GALNT17: variants seen among roughly 807,000 people sequenced by gnomAD.
GALNT17 encodes UDP-GalNAc:polypeptide N-acetylgalactosaminyltransferase-like 3.
Under a neutral mutation model 63.7 loss-of-function variants are expected in GALNT17, and 29 were observed. That is an observed-to-expected ratio of 0.46 (90% CI 0.34 to 0.62). The LOEUF is 0.62. GALNT17 is among the 20% of genes least tolerant of loss of function. The pLI is 0.01. For missense variants in GALNT17, 603 were observed against 799.6 expected (o/e 0.75, Z 2.97); for synonymous variants, 305 against 318.3 (o/e 0.96, Z 0.45).
intron 2 of GALNT17, among the ~76,000 whole-genome samples, chr7:71,365,975 T>TG (rs1792497453): frequency 6.6e-6 from 1 of 152,152 alleles, no homozygotes; most frequent in Admixed American, 6.5e-5. Flanking sequence ...CGGTCCCATC[T>TG]GGGGGTGATG....
At chr7:71,661,386 G>A (rs1405664537) in intron 6 of GALNT17, among the ~76,000 whole-genome samples, 1 of 152,186 alleles carries the variant, frequency 6.6e-6, no homozygotes, top group Non-Finnish European at 1.5e-5. Flanking sequence ...TTACTGGACT[G>A]GTCCTGGAGT....
At chr7:71,207,938 CTT>C (rs889337950) in intron 1 of GALNT17, among the ~76,000 whole-genome samples, 14 of 144,978 alleles carry the variant, frequency 9.7e-5, no homozygotes, top group Non-Finnish European at 7.6e-5. Flanking sequence ...TTTCTTTTTT[CTT>C]TTTTTTTTTT....
chr7:71,503,912 A>G (rs921904287), intron 5 of GALNT17, among the ~76,000 whole-genome samples: 2 of 152,032 alleles, frequency 1.3e-5, no homozygotes, highest in Non-Finnish European at 2.9e-5. Flanking sequence ...TGGCCAATAC[A>G]GTGAAACCCC....
intron 2 of GALNT17, among the ~76,000 whole-genome samples, chr7:71,374,259 GA>G (rs1792679910): frequency 6.6e-6 from 1 of 152,214 alleles, no homozygotes; most frequent in Non-Finnish European, 1.5e-5. Flanking sequence ...TTGGCTTTGT[GA>G]AAGTGACTCT....
chr7:71,459,609 G>A (rs1787416571), intron 5 of GALNT17, among the ~76,000 whole-genome samples: 1 of 152,112 alleles, frequency 6.6e-6, no homozygotes, highest in Admixed American at 6.5e-5. Context: ...AACACAACAT[G>A]ACAAAGAAGA....
Position 71,318,622 on chromosome 7 carries a change from G to A in GALNT17, c.239-16928G>A, listed in dbSNP as rs542548744. Reference sequence around the variant, plus strand: ...CTTTTGTATTTTTAGTAGAGACAGGGTTTCACCATGTTGGCCAGGATGGTC... The same window carrying A: ...CTTTTGTATTTTTAGTAGAGACAGGATTTCACCATGTTGGCCAGGATGGTC... On this transcript the variant is annotated intron_variant, in intron 1 of 10. Transcript: ENST00000333538. 8.6e-5 allele frequency among the ~76,000 whole-genome samples: 13 copies of A among 152,046 alleles called. No individual in the cohort carries two copies. The East Asian group carries it at 2.5e-3, about 30-fold the overall frequency.
intron 1 of GALNT17, among the ~76,000 whole-genome samples, chr7:71,265,539 G>A (rs1458561571): frequency 6.6e-6 from 1 of 151,992 alleles, no homozygotes; most frequent in African/African-American, 2.4e-5. Flanking sequence ...GCACAAGGAG[G>A]GCAAGGAAGG....
intron 6 of GALNT17, among the ~76,000 whole-genome samples, chr7:71,627,806 C>G (rs1790395716): frequency 6.6e-6 from 1 of 152,294 alleles, no homozygotes; most frequent in East Asian, 1.9e-4. Flanking sequence ...ACAATGCCCC[C>G]CCGCCCCATA....
intron 5 of GALNT17, among the ~76,000 whole-genome samples, chr7:71,531,982 C>T (rs1584030006): frequency 6.6e-6 from 1 of 152,078 alleles, no homozygotes; most frequent in South Asian, 2.1e-4. Context: ...AAGTTGAACA[C>T]GGGAGGGACC....
At chr7:71,298,369 T>C (rs1280716473) in intron 1 of GALNT17, among the ~76,000 whole-genome samples, 1 of 66,026 alleles carries the variant, frequency 1.5e-5, no homozygotes, top group African/African-American at 6.1e-5. Flanking sequence ...ATGGCTGTAC[T>C]TTTTGCAAAA....
At chr7:71,207,938 CTTTTTTT>C (rs889337950) in intron 1 of GALNT17, among the ~76,000 whole-genome samples, 34 of 145,094 alleles carry the variant, frequency 2.3e-4, no homozygotes, top group East Asian at 1.2e-3. Context: ...TTTCTTTTTT[CTTTTTTT>C]TTTTTTTGAG....
At chr7:71,288,595 T>C (rs1790920522) in intron 1 of GALNT17, among the ~76,000 whole-genome samples, 1 of 152,190 alleles carries the variant, frequency 6.6e-6, no homozygotes, top group Admixed American at 6.5e-5. Context: ...TTGAACATCC[T>C]GAGTCTCTCC....
chr7:71,696,706 T>C (rs1038612934), intron 9 of GALNT17, among the ~76,000 whole-genome samples: 3 of 152,200 alleles, frequency 2.0e-5, no homozygotes, highest in African/African-American at 7.2e-5. Context: ...TGAGAATTAA[T>C]TGTATTTGAG....
chr7:71,158,124 CT>C (rs71748616), intron 1 of GALNT17, among the ~76,000 whole-genome samples: 13,362 of 145,514 alleles, frequency 0.092, 913 homozygotes, highest in African/African-American at 0.16. Flanking sequence ...TTGATTCCCC[CT>C]TTTTTTTTTT....
At chr7:71,601,192 G>A (rs1789962545) in intron 6 of GALNT17, among the ~76,000 whole-genome samples, 1 of 151,918 alleles carries the variant, frequency 6.6e-6, no homozygotes. Context: ...TGATTGATGA[G>A]CATTTGATTG....
intron 2 of GALNT17, among the ~76,000 whole-genome samples, chr7:71,369,528 A>G (rs1335545686): frequency 6.6e-6 from 1 of 152,054 alleles, no homozygotes. Context: ...AATGAAAACT[A>G]TGTGCCAGGC....
intron 6 of GALNT17, among the ~76,000 whole-genome samples, chr7:71,641,061 C>T (rs1790596325): frequency 6.6e-6 from 1 of 152,096 alleles, no homozygotes; most frequent in Admixed American, 6.5e-5. Flanking sequence ...GGATGTTTAT[C>T]AGAAGCTCCC....
chr7:71,614,935 C>T (rs1444349183), intron 6 of GALNT17, among the ~76,000 whole-genome samples: 2 of 151,666 alleles, frequency 1.3e-5, no homozygotes, highest in Admixed American at 1.3e-4. Flanking sequence ...CAAAAAAAAC[C>T]ACTTCTGGTC....
intron 2 of GALNT17, among the ~76,000 whole-genome samples, chr7:71,359,634 A>G (rs112118488): frequency 0.031 from 4,743 of 151,258 alleles, 243 homozygotes; most frequent in African/African-American, 0.11. Flanking sequence ...CCCAGGCTGG[A>G]GTGCGGTGGC....
Sources: allele counts gnomAD v4.1 joint callset (sites outside exome capture counted in the v4.1 genomes callset), GRCh38; gene constraint gnomAD v4.1.1; transcripts MANE v1.5; gene names NCBI Gene and HGNC (gene_info 2026-07-23, HGNC 2026-07-21).